The following EEA1 variants were observed in gnomAD, a reference collection of about 807,000 sequenced individuals.
The protein encoded by EEA1 is early endosome antigen 1, also known as early endosome antigen 1, 162kD.
In EEA1, 111 loss-of-function variants were observed where a neutral mutation model predicts 209.2. The observed-to-expected ratio is 0.53, with a 90% CI of 0.45 to 0.62. EEA1 has a LOEUF of 0.62. Ranked by LOEUF, EEA1 falls within the 20% of genes least tolerant of loss-of-function variation. The probability of loss-of-function intolerance (pLI) is 0.00; values close to 1 mark genes in which losing one functional copy is unlikely to be tolerated. For synonymous variants in EEA1, 536 were observed against 540.6 expected (o/e 0.99, Z 0.12); for missense variants, 1,343 against 1,530.8 (o/e 0.88, Z 2.05).
chr12:92,856,488 C>A (rs1283410237), intron 5 of EEA1, among the ~76,000 whole-genome samples: 1 of 152,024 alleles, frequency 6.6e-6, no homozygotes, highest in African/African-American at 2.4e-5. Context: ...TACAAATACA[C>A]ATTTTTTAGT....
intron 21 of EEA1, among the ~76,000 whole-genome samples, chr12:92,796,003 A>T (rs1874639244): frequency 6.6e-6 from 1 of 151,920 alleles, no homozygotes; most frequent in South Asian, 2.1e-4. Flanking sequence ...TCATTTTTTT[A>T]AAATGATTAA....
intron 21 of EEA1, among the ~76,000 whole-genome samples, chr12:92,798,372 C>T (rs1057338839): frequency 6.7e-6 from 1 of 148,780 alleles, no homozygotes; most frequent in Non-Finnish European, 1.5e-5. Flanking sequence ...AGACAGAGTA[C>T]CTCTGTCGCC....
chr12:92,848,881 T>C (rs879937176), intron 9 of EEA1, among the ~76,000 whole-genome samples: 8 of 152,016 alleles, frequency 5.3e-5, no homozygotes, highest in Non-Finnish European at 1.0e-4. Flanking sequence ...TACAGGTACG[T>C]GCCAGCACGT....
chr12:92,800,874 T>C (rs1592708871), intron 20 of EEA1, among the ~76,000 whole-genome samples: 2 of 152,252 alleles, frequency 1.3e-5, no homozygotes, highest in East Asian at 3.8e-4. Context: ...ATAATTTTGC[T>C]ACTTACATGG....
rs1386277959 is a variant in EEA1, at chr12:92,775,728, T to G, written c.*283A>C. 1.5e-5 allele frequency: 4 copies of G among 269,492 alleles called. No homozygotes were observed. The highest frequency in any genetic ancestry group is 2.1e-5 in the Non-Finnish European group (3 of 144,624). 16.7% of individuals were successfully genotyped at this position (269,492 alleles called of 1,614,324 possible). A position where few individuals can be genotyped will look rare whatever the true frequency, so the allele number is the denominator to read the frequency against. ...ATATTAAAAAAATACATTGCTATTT[T>G]CTGTCCAAAGTTTATTTACATTTCA... On this transcript the variant is annotated 3_prime_UTR_variant, in exon 29 of 29. Transcript: ENST00000322349.
chr12:92,925,309 G>T (rs1362495969), intron 1 of EEA1, among the ~76,000 whole-genome samples: 5 of 152,184 alleles, frequency 3.3e-5, no homozygotes, highest in Non-Finnish European at 7.4e-5. Flanking sequence ...CTGCCTCCCA[G>T]GTTCAAGCAA....
intron 22 of EEA1, among the ~76,000 whole-genome samples, chr12:92,782,587 G>T (rs923225127): frequency 5.3e-5 from 8 of 152,170 alleles, no homozygotes; most frequent in Non-Finnish European, 1.2e-4. Flanking sequence ...TATACATTTG[G>T]TAGGTTCTAT....
chr12:92,813,051 T>G lies in EEA1; in HGVS notation c.1972A>C (p.Lys658Gln). 1 of 1,598,578 alleles carries G rather than the reference T, an allele frequency of 6.3e-7. No individual in the cohort carries two copies. Among genetic ancestry groups the G allele is most frequent in the Non-Finnish European group, 8.6e-7 (1 of 1,169,202 alleles). ...TGAAGATCAGCTCTTTGAGCAGTTT[T>G]TGCTGCTTCTGCTGATAGTAATAGT... The part of the protein sequence containing the change: ...TELLLSAEAA[K>Q]TAQRADLQNH... The change falls in exon 16 of 29, where the codon AAA (lysine) becomes CAA (glutamine). Residue 658 changes from lysine (K) to glutamine (Q), a missense_variant. Transcript: ENST00000322349.
intron 2 of EEA1, among the ~76,000 whole-genome samples, chr12:92,879,920 G>A (rs1879064743): frequency 6.6e-6 from 1 of 152,140 alleles, no homozygotes; most frequent in Non-Finnish European, 1.5e-5. Context: ...GGTTTCCCAT[G>A]TCCTGGTCCC....
chr12:92,835,400 C>CTTTTTTTTTTTTTTTTTTTTTTTTTTTT (rs140302130), intron 10 of EEA1: 2 of 154,374 alleles, frequency 1.3e-5, no homozygotes, highest in Admixed American at 8.6e-5. Context: ...AGTTTCACTC[C>CTTTTTTTTTTTTTTTTTTTTTTTTTTTT]TTTTTTTTTT....
rs561987453 is a variant in EEA1, at chr12:92,866,020, A to G, written c.118-1033T>C. ...CGCCTCGGCCTCCCAAAGCATTGGG[A>G]TTACAGGCATGAGCCACCATGCCCA... On this transcript the variant is annotated intron_variant, in intron 2 of 28. Coordinates refer to ENST00000322349, the MANE Select transcript of EEA1 (RefSeq NM_003566.4). Among the ~76,000 whole-genome samples, 25 of 151,864 alleles carry G rather than the reference A, an allele frequency of 1.6e-4. 1 individual carries two copies. In the South Asian group the frequency reaches 5.0e-3, roughly 30 times the overall value.
chr12:92,929,141 C>T lies in EEA1; in HGVS notation c.-75G>A. ...GGGGCCACTCACTACTCGGGGTGCG[C>T]GGGCGGGAGGGACTGGGCCGGGAGG... On this transcript the variant is annotated 5_prime_UTR_variant, in exon 1 of 29. Coordinates refer to ENST00000322349, the MANE Select transcript of EEA1 (RefSeq NM_003566.4). 8.8e-7 allele frequency: 1 copy of T among 1,131,286 alleles called. No individual in the cohort carries two copies. The highest frequency in any genetic ancestry group is 1.2e-6 in the Non-Finnish European group (1 of 801,810). 70.1% of individuals were successfully genotyped at this position (1,131,286 alleles called of 1,614,324 possible). A position where few individuals can be genotyped will look rare whatever the true frequency, so the allele number is the denominator to read the frequency against.
rs1242701768 is a variant in EEA1 at position 92,926,087 on chromosome 12, G to A, written c.24+2956C>T. On this transcript the variant is annotated intron_variant, in intron 1 of 28. Coordinates refer to ENST00000322349, the MANE Select transcript of EEA1 (RefSeq NM_003566.4). ...CAGCTCACTGCAATCTCCACCTCCC[G>A]GGTTCAAGTGATTCTCCTACCTCAG... is the stretch of plus-strand genomic sequence containing the variant. Among the ~76,000 whole-genome samples the A allele has an allele frequency of 4.0e-5, 6 of 151,510 alleles. No homozygotes were observed. In the South Asian group the frequency reaches 8.3e-4, roughly 21 times the overall value.
chr12:92,899,267 A>T (rs1880056101), intron 1 of EEA1, among the ~76,000 whole-genome samples: 1 of 152,220 alleles, frequency 6.6e-6, no homozygotes, highest in Admixed American at 6.5e-5. Flanking sequence ...AGGTTAAGCC[A>T]ACTGAATACA....
chr12:92,892,308 T>C (rs116606656), intron 1 of EEA1, among the ~76,000 whole-genome samples: 2,824 of 152,128 alleles, frequency 0.019, 96 homozygotes, highest in African/African-American at 0.063. Context: ...CCCAAGATGG[T>C]CTCAAACTCC....
chr12:92,916,374 G>A (rs1880760333), intron 1 of EEA1, among the ~76,000 whole-genome samples: 1 of 151,846 alleles, frequency 6.6e-6, no homozygotes, highest in Non-Finnish European at 1.5e-5. Flanking sequence ...AAAAATCTGG[G>A]CCGGGCGCGG....
At chr12:92,853,777 A>AC in intron 6 of EEA1, 138 bp downstream of exon 6, 1 of 581,992 alleles carries the variant, frequency 1.7e-6, no homozygotes. Flanking sequence ...CTAGAATATG[A>AC]CCATTATCTT....
chr12:92,824,759 C>A (rs1876216154), intron 13 of EEA1, among the ~76,000 whole-genome samples: 1 of 152,198 alleles, frequency 6.6e-6, no homozygotes, highest in Non-Finnish European at 1.5e-5. Context: ...GCACTTATCA[C>A]CATTTAACAT....
chr12:92,830,506 T>G (rs1056942215), intron 11 of EEA1, among the ~76,000 whole-genome samples: 1 of 151,996 alleles, frequency 6.6e-6, no homozygotes, highest in Non-Finnish European at 1.5e-5. Flanking sequence ...CATGATCTTG[T>G]TCCCTAAAAA....
Sources: allele counts gnomAD v4.1 joint callset (sites outside exome capture counted in the v4.1 genomes callset), GRCh38; gene constraint gnomAD v4.1.1; transcripts MANE v1.5; gene names NCBI Gene and HGNC (gene_info 2026-07-23, HGNC 2026-07-21).